The following PUS10 variants were observed in gnomAD, a reference collection of about 807,000 sequenced individuals.
The protein encoded by PUS10 is tRNA pseudouridine synthase Pus10.
In PUS10, 59 loss-of-function variants were observed where a neutral mutation model predicts 75.0. The ratio of observed to expected loss-of-function variants is 0.79; its 90% CI spans 0.64 to 0.98. The LOEUF (loss-of-function observed/expected upper bound fraction) is 0.98. Among genes scored for constraint, PUS10 ranks in the 50% least tolerant of loss-of-function variants. The probability of loss-of-function intolerance (pLI) is 0.00; values close to 1 mark genes in which losing one functional copy is unlikely to be tolerated. For missense variants in PUS10, 650 were observed against 614.4 expected (o/e 1.06, Z -0.61); for synonymous variants, 219 against 211.6 (o/e 1.03, Z -0.30).
intron 4 of PUS10, among the ~76,000 whole-genome samples, chr2:60,999,568 T>C (rs1009563729): frequency 6.6e-6 from 1 of 152,154 alleles, no homozygotes; most frequent in African/African-American, 2.4e-5. Flanking sequence ...TGCAGTGAGC[T>C]GTGATCACAT....
intron 4 of PUS10, among the ~76,000 whole-genome samples, chr2:60,979,817 C>T (rs1432584420): frequency 1.3e-5 from 2 of 152,214 alleles, no homozygotes; most frequent in Non-Finnish European, 2.9e-5. Context: ...GGTTGAAGAT[C>T]TTCTTTTTGG....
intron 4 of PUS10, among the ~76,000 whole-genome samples, chr2:60,986,840 T>C (rs774410974): frequency 2.0e-5 from 3 of 152,238 alleles, no homozygotes; most frequent in Admixed American, 6.5e-5. Context: ...CTCTCTCTCC[T>C]ACTTAGCCAG....
At chr2:61,001,673 G>C (rs1265423365) in intron 4 of PUS10, among the ~76,000 whole-genome samples, 1 of 152,142 alleles carries the variant, frequency 6.6e-6, no homozygotes, top group Non-Finnish European at 1.5e-5. Context: ...GCTGAAGTCG[G>C]ATGACAGGTA....
intron 5 of PUS10, among the ~76,000 whole-genome samples, chr2:60,970,845 T>C (rs1676615024): frequency 6.6e-6 from 1 of 152,218 alleles, no homozygotes; most frequent in Non-Finnish European, 1.5e-5. Flanking sequence ...TTTTATCTTT[T>C]ATGACATAGT....
chr2:61,005,669 G>A (rs551676411), intron 4 of PUS10, among the ~76,000 whole-genome samples: 1 of 152,152 alleles, frequency 6.6e-6, no homozygotes, highest in Non-Finnish European at 1.5e-5. Flanking sequence ...TATAAGCCCA[G>A]TTATATCATC....
chr2:60,966,409 C>G (rs1052383481), intron 6 of PUS10: 8 of 152,174 alleles, frequency 5.3e-5, no homozygotes, highest in African/African-American at 1.9e-4. Context: ...GACCTATTAG[C>G]TACTCTAGAA....
At chr2:60,996,728 G>C (rs190882059) in intron 4 of PUS10, among the ~76,000 whole-genome samples, 1 of 152,246 alleles carries the variant, frequency 6.6e-6, no homozygotes, top group African/African-American at 2.4e-5. Context: ...CTCTTTAAGT[G>C]AGCATAAGTG....
At chr2:61,017,290 G>C (rs567525946) in intron 1 of PUS10, 1 of 153,476 alleles carries the variant, frequency 6.5e-6, no homozygotes, top group East Asian at 1.9e-4. Context: ...TAGAACAAAA[G>C]TACCAGCCCG....
At chr2:60,948,961 T>C (rs1248201825) in intron 15 of PUS10, among the ~76,000 whole-genome samples, 1 of 152,224 alleles carries the variant, frequency 6.6e-6, no homozygotes, top group Non-Finnish European at 1.5e-5. Context: ...GGAACAACTC[T>C]TCCTAATTTC....
intron 4 of PUS10, among the ~76,000 whole-genome samples, chr2:60,974,767 G>C (rs1290014905): frequency 6.6e-6 from 1 of 152,240 alleles, no homozygotes; most frequent in Non-Finnish European, 1.5e-5. Context: ...CCCCACTGCA[G>C]CCAGCGTGCC....
intron 17 of PUS10, among the ~76,000 whole-genome samples, chr2:60,943,036 G>GAAA (rs1163561504): frequency 0.012 from 942 of 78,346 alleles, 22 homozygotes; most frequent in African/African-American, 0.038. Context: ...ATCTATCTCA[G>GAAA]AAAAAAAAAA....
chr2:60,973,674 G>A (rs567062571), intron 4 of PUS10, among the ~76,000 whole-genome samples: 2 of 152,268 alleles, frequency 1.3e-5, no homozygotes, highest in African/African-American at 2.4e-5. Flanking sequence ...GAGGCAGAGA[G>A]GTTCCTGGGC....
At chr2:61,005,803 A>G (rs1679171762) in intron 4 of PUS10, among the ~76,000 whole-genome samples, 1 of 152,188 alleles carries the variant, frequency 6.6e-6, no homozygotes, top group Admixed American at 6.5e-5. Flanking sequence ...AGCTTCAACA[A>G]TCTTCAGCTT....
chr2:61,005,378 GATA>G (rs1558987979), intron 4 of PUS10, among the ~76,000 whole-genome samples: 1 of 152,168 alleles, frequency 6.6e-6, no homozygotes, highest in African/African-American at 2.4e-5. Context: ...TGATAAAATG[GATA>G]ATATGAATCT....
chr2:61,006,172 A>G (rs1679199466), intron 4 of PUS10, among the ~76,000 whole-genome samples: 1 of 152,238 alleles, frequency 6.6e-6, no homozygotes, highest in African/African-American at 2.4e-5. Context: ...AAGGCTCATC[A>G]TAATTGAAAT....
At chr2:60,987,234 T>C (rs532666502) in intron 4 of PUS10, among the ~76,000 whole-genome samples, 192 of 152,302 alleles carry the variant, frequency 1.3e-3, no homozygotes, top group Non-Finnish European at 1.8e-3. Context: ...ACGTAATGAA[T>C]GACCAAGGCA....
intron 4 of PUS10, among the ~76,000 whole-genome samples, chr2:60,988,891 C>T (rs539462251): frequency 2.0e-5 from 3 of 151,726 alleles, no homozygotes; most frequent in African/African-American, 7.3e-5. Flanking sequence ...ATCCACCTGC[C>T]TTGGCTTCTC....
In PUS10 at chr2:60,964,066, G is replaced by A. The variant is rs558002503; in HGVS notation, c.723+992C>T. On this transcript the variant is annotated intron_variant, in intron 8 of 17. Coordinates refer to ENST00000316752, the MANE Select transcript of PUS10 (RefSeq NM_144709.4). The stretch of plus-strand genomic sequence containing the variant: ...AGAAGGGTTGCTGGGCAGGGCCTCA[G>A]ACAGTGGAAACCCCAGGCCTGTTGC... Among the ~76,000 whole-genome samples, 187 of 152,310 alleles carry A rather than the reference G, an allele frequency of 1.2e-3. 3 individuals carry two copies. The South Asian group carries it at 0.037, about 30-fold the overall frequency.
intron 5 of PUS10, among the ~76,000 whole-genome samples, chr2:60,970,654 C>T (rs571475517): frequency 6.0e-5 from 9 of 149,888 alleles, no homozygotes; most frequent in East Asian, 1.9e-4. Context: ...AGAGCCTGGG[C>T]GGGGGAGGGG....
Sources: gnomAD v4.1 joint callset for allele counts (sites outside exome capture counted in the v4.1 genomes callset) on GRCh38, gnomAD v4.1.1 for gene constraint, MANE v1.5 for transcripts, NCBI Gene and HGNC (gene_info 2026-07-23, HGNC 2026-07-21) for gene names.